The following ERCC4 variants were observed in gnomAD, a reference collection of about 807,000 sequenced individuals.
ERCC4 encodes the protein ERCC excision repair 4, endonuclease catalytic subunit.
ERCC4 carries 65 observed loss-of-function variants against 76.9 expected under a neutral mutation model. The ratio of observed to expected loss-of-function variants is 0.84; its 90% CI spans 0.69 to 1.04. The LOEUF is 1.04. Among genes scored for constraint, ERCC4 ranks in the 50% least tolerant of loss-of-function variants. ERCC4 has a pLI of 0.00. For missense variants in ERCC4, 1,214 were observed against 1,128.2 expected (o/e 1.08, Z -1.09); for synonymous variants, 463 against 410.1 (o/e 1.13, Z -1.56).
chr16:13,949,676 A>AT lies in ERCC4; in HGVS notation c.*1331dup, dbSNP rs2032594164. ...AGAAAAAAATCTCATTCTAAACCTG[A>AT]TTAAGTTGGCTTTTTACGTAAGTGT... On this transcript the variant is annotated 3_prime_UTR_variant, in exon 11 of 11. Transcript: ENST00000311895. 4.3e-6 allele frequency: 1 copy of AT among 232,706 alleles called. No individual in the cohort carries two copies. The highest frequency in any genetic ancestry group is 2.2e-5 in the African/African-American group (1 of 45,346). The allele number at this position is 232,706 out of a possible 1,614,324, so 14.4% of individuals were successfully genotyped here. A position where few individuals can be genotyped will look rare whatever the true frequency, so the allele number is the denominator to read the frequency against.
Position 13,948,570 on chromosome 16 carries a change from G to A in ERCC4, c.*223G>A, listed in dbSNP as rs543279126. 57 of 564,318 alleles carry A rather than the reference G, an allele frequency of 1.0e-4. No homozygotes were observed. Among genetic ancestry groups the A allele is most frequent in the Non-Finnish European group, 1.5e-4 (48 of 317,558 alleles). The allele number at this position is 564,318 out of a possible 1,614,324, so 35.0% of individuals were successfully genotyped here. A position where few individuals can be genotyped will look rare whatever the true frequency, so the allele number is the denominator to read the frequency against. ...TTTTCCTCCCTGCACCGTCTATGCC[G>A]GGCTTAGCATGTTTCTTTTTAAATG... On this transcript the variant is annotated 3_prime_UTR_variant, in exon 11 of 11. Coordinates refer to ENST00000311895, the MANE Select transcript of ERCC4 (RefSeq NM_005236.3).
At position 13,935,354 on chromosome 16, in the gene ERCC4, C is replaced by G; in HGVS notation, c.1422C>G (p.Asn474Lys). 1 of 1,609,930 alleles carries G rather than the reference C, an allele frequency of 6.2e-7. No individual in the cohort carries two copies. The highest frequency in any genetic ancestry group is 8.5e-7 in the Non-Finnish European group (1 of 1,179,054). ...KSHKRPKDPQNKERASTKERT... is the reference protein window; with the variant it reads ...KSHKRPKDPQKKERASTKERT... ...ACAAAAGACCTAAAGACCCCCAAAA[C>G]AAAGAACGGGCTTCTACCAAAGAAA... Residue 474 changes from asparagine (N) to lysine (K), a missense_variant, in exon 8 of 11, where the codon AAC (asparagine) becomes AAG (lysine). Transcript: ENST00000311895.
At chr16:13,931,455 A>G (rs2032169928) in intron 5 of ERCC4, 1 of 158,462 alleles carries the variant, frequency 6.3e-6, no homozygotes, top group South Asian at 1.8e-4. Flanking sequence ...CTTTAGGGAC[A>G]TTCTTAAGTG....
At chr16:13,931,916 G>A (rs539872870) in intron 5 of ERCC4, 4 of 496,324 alleles carry the variant, frequency 8.1e-6, no homozygotes, top group East Asian at 3.1e-5. Flanking sequence ...GTATTGTTAC[G>A]AGAAAAGTTC....
chr16:13,943,375 G>A (rs2032451920), intron 9 of ERCC4, among the ~76,000 whole-genome samples: 1 of 152,184 alleles, frequency 6.6e-6, no homozygotes, highest in African/African-American at 2.4e-5. Context: ...ATGGCAGAAG[G>A]GGAAGCAAAC....
rs1237587281 is a variant in ERCC4 at position 13,930,787 on chromosome 16, A to G, written c.870A>G (p.Ile290Met). Reference protein sequence around the residue: ...KTKSLVQDLKILRTLLQYLSQ... With the variant: ...KTKSLVQDLKMLRTLLQYLSQ... ...AATCCTTAGTTCAGGATTTGAAGAT[A>G]TTACGAACTTTGCTGCAGTATCTCT... is the stretch of plus-strand genomic sequence containing the variant. Residue 290 changes from isoleucine (I) to methionine (M), a missense_variant, in exon 5 of 11, where the codon ATA becomes ATG. Transcript: ENST00000311895. 7.4e-6 allele frequency: 12 copies of G among 1,612,524 alleles called. No individual in the cohort carries two copies. Among genetic ancestry groups the G allele is most frequent in the Middle Eastern group, 1.7e-4 (1 of 6,058 alleles).
chr16:13,920,552 C>G (rs968494741), intron 1 of ERCC4, among the ~76,000 whole-genome samples, 180 bp downstream of exon 1: 13 of 147,846 alleles, frequency 8.8e-5, no homozygotes, highest in African/African-American at 3.0e-4. Context: ...CCTCACACTG[C>G]GGGAACACAG....
chr16:13,929,024 T>G (rs1015702072), intron 4 of ERCC4, among the ~76,000 whole-genome samples: 3 of 152,218 alleles, frequency 2.0e-5, no homozygotes, highest in African/African-American at 7.2e-5. Context: ...TATTGATACA[T>G]AAAACTAATT....
chr16:13,935,080 G>A, intron 7 of ERCC4, 66 bp from the exon 8 acceptor site: 5 of 1,197,280 alleles, frequency 4.2e-6, no homozygotes, highest in South Asian at 2.4e-5. Flanking sequence ...GAAGGAATAA[G>A]GGGGCACAGG....
At chr16:13,924,102 G>A (rs1053365752) in intron 2 of ERCC4, among the ~76,000 whole-genome samples, 1 of 152,158 alleles carries the variant, frequency 6.6e-6, no homozygotes, top group African/African-American at 2.4e-5. Flanking sequence ...GTAAATGAAT[G>A]CCAAAAATGA....
At chr16:13,923,861 TA>T (rs1340557490) in intron 2 of ERCC4, among the ~76,000 whole-genome samples, 2 of 152,200 alleles carry the variant, frequency 1.3e-5, no homozygotes, top group African/African-American at 4.8e-5. Context: ...TAAATTGATT[TA>T]AAAAAATTTT....
intron 10 of ERCC4, 134 bp from the exon 11 acceptor site, chr16:13,947,480 T>C: frequency 1.0e-6 from 1 of 971,834 alleles, no homozygotes. Context: ...ATATAGAAAT[T>C]ATATGGAATA....
Position 13,937,878 on chromosome 16 carries a change from T to C in ERCC4, c.1904+20T>C. The stretch of plus-strand genomic sequence containing the variant: ...CATAAGGTAATACATAGAAAATCAG[T>C]ATGAAAGCCCCAACTACATTGGAAA... On this transcript the variant is annotated intron_variant, in intron 9 of 10. Transcript: ENST00000311895. 1 of 1,475,258 alleles carries C rather than the reference T, an allele frequency of 6.8e-7. No homozygotes were observed. Among genetic ancestry groups the C allele is most frequent in the Non-Finnish European group, 9.5e-7 (1 of 1,053,706 alleles). 91.4% of individuals were successfully genotyped at this position (1,475,258 alleles called of 1,614,324 possible).
At chr16:13,930,398 C>G (rs1018472242) in intron 4 of ERCC4, among the ~76,000 whole-genome samples, 2 of 152,072 alleles carry the variant, frequency 1.3e-5, no homozygotes, top group African/African-American at 4.8e-5. Context: ...AAGGTCTTTT[C>G]TCCCCTGACA....
intron 3 of ERCC4, chr16:13,927,511 A>G (rs1392664945): frequency 1.2e-5 from 2 of 161,574 alleles, no homozygotes; most frequent in Non-Finnish European, 2.6e-5. Flanking sequence ...GTGAGCTGAG[A>G]TCGCACCATT....
rs1489528415 is a variant in ERCC4 at position 13,947,757 on chromosome 16, GA to G, written c.2164del (p.Met722CysfsTer11). The G allele has an allele frequency of 1.2e-6, 2 of 1,614,126 alleles. No homozygotes were observed. Among genetic ancestry groups the G allele is most frequent in the Non-Finnish European group, 1.7e-6 (2 of 1,180,060 alleles). On this transcript the variant is annotated frameshift_variant, in exon 11 of 11. Transcript: ENST00000311895. LOFTEE classifies it high-confidence loss of function. Reference sequence around the variant, plus strand: ...GGTTGGAGATTACATCCTCACTCCAGAAATGTGCGTGGAGCGCAAGAGTATC... The same window carrying G: ...GGTTGGAGATTACATCCTCACTCCAGAATGTGCGTGGAGCGCAAGAGTATC... ...LEVGDYILTP[E>X]MCVERKSISD...
At chr16:13,924,781 A>G (rs549692849) in intron 2 of ERCC4, among the ~76,000 whole-genome samples, 11 of 152,340 alleles carry the variant, frequency 7.2e-5, no homozygotes, top group East Asian at 1.9e-4. Flanking sequence ...TCAGCATTCT[A>G]TGATCTCTGT....
intron 6 of ERCC4, chr16:13,932,534 A>G (rs1252009815): frequency 1.6e-5 from 9 of 570,408 alleles, no homozygotes; most frequent in African/African-American, 1.5e-4. Context: ...TCCAAATAAC[A>G]GATGTCAAAT....
At chr16:13,936,912 CT>C (rs1182142266) in intron 8 of ERCC4, among the ~76,000 whole-genome samples, 2,516 of 137,944 alleles carry the variant, frequency 0.018, 29 homozygotes, top group African/African-American at 0.038. Flanking sequence ...TTTTTTTTTC[CT>C]TTTTTTTTTT....
Sources: allele counts gnomAD v4.1 joint callset (sites outside exome capture counted in the v4.1 genomes callset), GRCh38; gene constraint gnomAD v4.1.1; transcripts MANE v1.5; gene names NCBI Gene and HGNC (gene_info 2026-07-23, HGNC 2026-07-21).